Variants in FANK1 observed in about 807,000 individuals in gnomAD.
The protein encoded by FANK1 is fibronectin type 3 and ankyrin repeat domains protein 1.
In FANK1, 44 loss-of-function variants were observed where a neutral mutation model predicts 45.3. The observed-to-expected ratio is 0.97, with a 90% CI of 0.76 to 1.25. The LOEUF is 1.25. FANK1 is among the 50% of genes most tolerant of loss of function. The pLI is 0.00. For missense variants in FANK1, 391 were observed against 424.4 expected (o/e 0.92, Z 0.69); for synonymous variants, 149 against 152.5 (o/e 0.98, Z 0.17).
intron 1 of FANK1, among the ~76,000 whole-genome samples, chr10:125,910,699 C>T (rs1484200667): frequency 6.6e-6 from 1 of 152,172 alleles, no homozygotes; most frequent in Non-Finnish European, 1.5e-5. Flanking sequence ...GATGGACATC[C>T]AGTTTGTTTC....
intron 1 of FANK1, among the ~76,000 whole-genome samples, chr10:125,910,906 T>G (rs113934537): frequency 1.3e-5 from 2 of 151,816 alleles, no homozygotes; most frequent in African/African-American, 4.8e-5. Context: ...TGGTGGCATG[T>G]GCCTGTAGTT....
At chr10:125,918,306 C>T (rs1181725654) in intron 1 of FANK1, among the ~76,000 whole-genome samples, 1 of 151,818 alleles carries the variant, frequency 6.6e-6, no homozygotes, top group Admixed American at 6.6e-5. Context: ...GCCTGTAATC[C>T]TAGCACTTTG....
chr10:125,945,755 C>T (rs898966096), intron 1 of FANK1, among the ~76,000 whole-genome samples: 1 of 152,204 alleles, frequency 6.6e-6, no homozygotes, highest in African/African-American at 2.4e-5. Context: ...CACCACAACT[C>T]AAGGAGGCCT....
intron 6 of FANK1, 124 bp downstream of exon 6, chr10:125,997,609 G>C: frequency 1.2e-6 from 1 of 823,966 alleles, no homozygotes; most frequent in South Asian, 1.9e-5. Flanking sequence ...TGAGAGGTGA[G>C]TGGGTCGCTG....
chr10:125,945,351 C>A (rs947435115), intron 1 of FANK1, among the ~76,000 whole-genome samples: 1 of 152,190 alleles, frequency 6.6e-6, no homozygotes, highest in Non-Finnish European at 1.5e-5. Context: ...GGGTTTGTCT[C>A]ACTAGGGAGT....
At chr10:125,925,367 A>G (rs1336407857) in intron 1 of FANK1, among the ~76,000 whole-genome samples, 1 of 152,242 alleles carries the variant, frequency 6.6e-6, no homozygotes, top group Non-Finnish European at 1.5e-5. Context: ...ATATAGCTAT[A>G]GTAACTTTGG....
chr10:125,929,926 C>G (rs1947637809), intron 1 of FANK1, among the ~76,000 whole-genome samples: 1 of 152,162 alleles, frequency 6.6e-6, no homozygotes, highest in African/African-American at 2.4e-5. Context: ...AGGATATTTC[C>G]TGTTATAGCT....
intron 3 of FANK1, among the ~76,000 whole-genome samples, 160 bp from the exon 4 acceptor site, chr10:125,995,257 G>A (rs954057519): frequency 3.3e-5 from 5 of 152,062 alleles, no homozygotes; most frequent in South Asian, 2.1e-4. Context: ...GGTCATTTTC[G>A]GTAAAAGAAG....
At chr10:125,966,490 C>T (rs758025341) in intron 1 of FANK1, among the ~76,000 whole-genome samples, 21 of 152,156 alleles carry the variant, frequency 1.4e-4, no homozygotes, top group Non-Finnish European at 2.5e-4. Flanking sequence ...TTCCCTGCTC[C>T]TCTCTTTGCC....
At chr10:125,906,622 A>G (rs112426950) in intron 1 of FANK1, among the ~76,000 whole-genome samples, 1 of 151,678 alleles carries the variant, frequency 6.6e-6, no homozygotes, top group Non-Finnish European at 1.5e-5. Flanking sequence ...GTGCATTAGC[A>G]GTTAGCTCCT....
intron 3 of FANK1, among the ~76,000 whole-genome samples, chr10:125,991,243 G>C (rs1160158144): frequency 7.7e-6 from 1 of 130,686 alleles, no homozygotes; most frequent in East Asian, 2.2e-4. Context: ...GTGTGGTGGT[G>C]ACCAGGGGTG....
chr10:125,977,986 G>T (rs1482868843), intron 1 of FANK1, among the ~76,000 whole-genome samples: 5 of 152,170 alleles, frequency 3.3e-5, no homozygotes, highest in African/African-American at 7.2e-5. Context: ...GTTGGTACTG[G>T]CTCCACAGCT....
At position 125,980,168 on chromosome 10, in the gene FANK1, G is replaced by A; in HGVS notation, c.21G>A (p.Met7Ile). Residue 7 changes from methionine (M) to isoleucine (I), a missense_variant, in exon 2 of 11, where the codon ATG becomes ATA. Transcript: ENST00000368693. MEPQKI[M>I]PPSKPHPPVV... The stretch of plus-strand genomic sequence containing the variant: ...TGTCATTCTTTTTTTTAGAAATCAT[G>A]CCACCCTCAAAGCCTCATCCACCTG... The A allele has an allele frequency of 6.2e-7, 1 of 1,605,986 alleles. No individual in the cohort carries two copies. The highest frequency in any genetic ancestry group is 1.1e-5 in the South Asian group (1 of 89,034).
At chr10:125,950,251 C>A (rs567723113) in intron 1 of FANK1, among the ~76,000 whole-genome samples, 1 of 151,214 alleles carries the variant, frequency 6.6e-6, no homozygotes, top group African/African-American at 2.4e-5. Context: ...GCAGCAAAAG[C>A]CAAAATTGAC....
At chr10:125,952,613 C>A (rs921865511) in intron 1 of FANK1, among the ~76,000 whole-genome samples, 1 of 152,028 alleles carries the variant, frequency 6.6e-6, no homozygotes, top group South Asian at 2.1e-4. Flanking sequence ...CATTTTCCAG[C>A]AGCTCAGGTG....
intron 6 of FANK1, among the ~76,000 whole-genome samples, chr10:126,002,056 T>C (rs1328134696): frequency 6.6e-6 from 1 of 151,656 alleles, no homozygotes; most frequent in African/African-American, 2.4e-5. Flanking sequence ...CTCACGCCTG[T>C]AATCCCAGCA....
At chr10:125,987,979 A>G (rs934268756) in intron 2 of FANK1, among the ~76,000 whole-genome samples, 33 of 152,336 alleles carry the variant, frequency 2.2e-4, no homozygotes, top group Middle Eastern at 3.4e-3. Context: ...TCCATTTCCC[A>G]CAAACATTCC....
chr10:125,987,797 G>C (rs546960354), intron 2 of FANK1, among the ~76,000 whole-genome samples: 1 of 152,160 alleles, frequency 6.6e-6, no homozygotes, highest in Non-Finnish European at 1.5e-5. Flanking sequence ...CAGAAGGTGG[G>C]GTCTTATCTT....
intron 1 of FANK1, among the ~76,000 whole-genome samples, chr10:125,923,769 C>G (rs2134132534): frequency 6.6e-6 from 1 of 152,214 alleles, no homozygotes; most frequent in South Asian, 2.1e-4. Context: ...CTTAAGCATT[C>G]CTCCCACTTC....
Sources: gnomAD v4.1 joint callset for allele counts (sites outside exome capture counted in the v4.1 genomes callset) on GRCh38, gnomAD v4.1.1 for gene constraint, MANE v1.5 for transcripts, NCBI Gene and HGNC (gene_info 2026-07-23, HGNC 2026-07-21) for gene names.